The following DOCK7 variants were observed in gnomAD, a reference collection of about 807,000 sequenced individuals.
The protein encoded by DOCK7 is dedicator of cytokinesis 7.
A neutral mutation model predicts 271.0 loss-of-function variants in DOCK7; 138 were observed. The ratio of observed to expected loss-of-function variants is 0.51; its 90% confidence interval spans 0.44 to 0.59. DOCK7 has a LOEUF of 0.59. Among genes scored for constraint, DOCK7 ranks in the 20% least tolerant of loss-of-function variants. The pLI, the probability that DOCK7 is intolerant of heterozygous loss-of-function variation, is 0.00. For missense variants in DOCK7, 2,066 were observed against 2,592.4 expected (o/e 0.80, Z 4.41); for synonymous variants, 823 against 876.1 (o/e 0.94, Z 1.07).
At chr1:62,662,827 T>C (rs1658825996) in intron 2 of DOCK7, among the ~76,000 whole-genome samples, 198 bp downstream of exon 2, 1 of 152,092 alleles carries the variant, frequency 6.6e-6, no homozygotes, top group African/African-American at 2.4e-5. Flanking sequence ...ACTATAAAGT[T>C]TCAGAGTTGG....
chr1:62,471,567 T>C (rs1415725751), intron 48 of DOCK7, among the ~76,000 whole-genome samples: 4 of 152,142 alleles, frequency 2.6e-5, no homozygotes, highest in East Asian at 1.9e-4. Flanking sequence ...GACAGGAGGA[T>C]CCCTTGAACC....
intron 14 of DOCK7, among the ~76,000 whole-genome samples, chr1:62,611,775 A>AG (rs1243433531): frequency 3.3e-5 from 5 of 152,114 alleles, no homozygotes; most frequent in Admixed American, 3.3e-4. Flanking sequence ...CAACTACTCA[A>AG]GAAAAAAAAA....
intron 37 of DOCK7, among the ~76,000 whole-genome samples, chr1:62,499,809 T>C (rs962789868): frequency 2.0e-5 from 3 of 151,050 alleles, no homozygotes; most frequent in African/African-American, 7.3e-5. Context: ...AGCCCAGGAG[T>C]TTTGAGGCTG....
intron 13 of DOCK7, among the ~76,000 whole-genome samples, chr1:62,619,519 A>G (rs1310378065): frequency 6.6e-6 from 1 of 152,218 alleles, no homozygotes; most frequent in Non-Finnish European, 1.5e-5. Flanking sequence ...GAGATTAATA[A>G]CCCTAACTCA....
At chr1:62,625,523 A>AC in intron 11 of DOCK7, 122 bp from the exon 12 acceptor site, 1 of 969,220 alleles carries the variant, frequency 1.0e-6, no homozygotes, top group Non-Finnish European at 1.5e-6. Context: ...TATCAAGTAT[A>AC]GTAGGAGAAT....
Position 62,566,645 on chromosome 1 carries a change from T to G in DOCK7, c.2113-4942A>C, listed in dbSNP as rs145687251. Among the ~76,000 whole-genome samples, 832 of 152,160 alleles carry G rather than the reference T, an allele frequency of 5.5e-3. 8 individuals carry two copies. The highest frequency in any genetic ancestry group is 0.019 in the African/African-American group (794 of 41,486). On this transcript the variant is annotated intron_variant, in intron 18 of 49. Transcript: ENST00000635253. ...CAGGACATAGGCATGAGCAAACACT[T>G]CATGTCTAAAACACCAAAAGCAATG... is the stretch of plus-strand genomic sequence containing the variant.
intron 29 of DOCK7, among the ~76,000 whole-genome samples, chr1:62,535,164 ATTTAC>A (rs1354915942): frequency 2.0e-5 from 3 of 152,172 alleles, no homozygotes; most frequent in Non-Finnish European, 4.4e-5. Flanking sequence ...AATGACAAGC[ATTTAC>A]TTTACATCAA....
intron 14 of DOCK7, among the ~76,000 whole-genome samples, chr1:62,614,122 G>C (rs889737239): frequency 6.6e-6 from 1 of 151,936 alleles, no homozygotes; most frequent in Non-Finnish European, 1.5e-5. Context: ...ACATTCCTGA[G>C]AAGGCAAAAA....
intron 21 of DOCK7, among the ~76,000 whole-genome samples, chr1:62,554,239 A>G (rs1180466489): frequency 1.3e-5 from 2 of 151,884 alleles, no homozygotes; most frequent in African/African-American, 4.8e-5. Flanking sequence ...TTGGGAGGCC[A>G]AGGCAGGCGG....
chr1:62,679,984 T>C (rs1660933024), intron 1 of DOCK7, among the ~76,000 whole-genome samples: 2 of 152,204 alleles, frequency 1.3e-5, no homozygotes, highest in South Asian at 2.1e-4. Context: ...ATAGATTCAA[T>C]GCCATCCCCA....
intron 45 of DOCK7, 55 bp from the exon 46 acceptor site, chr1:62,475,998 T>G: frequency 6.2e-7 from 1 of 1,602,794 alleles, no homozygotes; most frequent in Non-Finnish European, 8.5e-7. Context: ...ATTTAGTCTT[T>G]CTCAAACAAA....
At chr1:62,540,567 T>C (rs1209920354) in intron 25 of DOCK7, among the ~76,000 whole-genome samples, 1 of 152,198 alleles carries the variant, frequency 6.6e-6, no homozygotes, top group East Asian at 1.9e-4. Context: ...AAACCCTGTC[T>C]TCACTATAGT....
At position 62,475,189 on chromosome 1, in the gene DOCK7, G is replaced by A; in HGVS notation, c.6105+19C>T. On this transcript the variant is annotated intron_variant, in intron 47 of 49. Coordinates refer to ENST00000635253, the MANE Select transcript of DOCK7 (RefSeq NM_001367561.1). ...GTATTTACAGCTTAAATCACACAGT[G>A]CTAGCAAAAAGCACTAACCTGATTC... 6.2e-7 allele frequency: 1 copy of A among 1,608,360 alleles called. No homozygotes were observed. Among genetic ancestry groups the A allele is most frequent in the Non-Finnish European group, 8.5e-7 (1 of 1,177,698 alleles).
chr1:62,671,930 G>A, intron 1 of DOCK7, among the ~76,000 whole-genome samples: 1 of 146,362 alleles, frequency 6.8e-6, no homozygotes. Context: ...AAGTTACTAT[G>A]AGAAGCAGAG....
chr1:62,475,060 T>C (rs1463226460), intron 47 of DOCK7, 148 bp downstream of exon 47: 11 of 878,170 alleles, frequency 1.3e-5, no homozygotes, highest in African/African-American at 3.5e-5. Context: ...TCCTTCTTAA[T>C]AGAATTTATA....
At chr1:62,536,760 T>C (rs1054540847) in intron 28 of DOCK7, among the ~76,000 whole-genome samples, 13 of 152,226 alleles carry the variant, frequency 8.5e-5, no homozygotes, top group African/African-American at 3.1e-4. Flanking sequence ...TAAGATTAAC[T>C]AACTTTCACT....
chr1:62,633,807 A>G (rs1380819020), intron 9 of DOCK7: 4 of 441,336 alleles, frequency 9.1e-6, no homozygotes, highest in African/African-American at 6.1e-5. Context: ...CATATATGAA[A>G]AGCCCACAGT....
intron 14 of DOCK7, chr1:62,601,803 A>G: frequency 6.2e-7 from 1 of 1,609,866 alleles, no homozygotes; most frequent in Non-Finnish European, 8.5e-7. Context: ...TTTATAACAG[A>G]GGTGAACATA....
At chr1:62,679,027 C>A (rs890411809) in intron 1 of DOCK7, among the ~76,000 whole-genome samples, 1 of 151,942 alleles carries the variant, frequency 6.6e-6, no homozygotes, top group African/African-American at 2.4e-5. Context: ...TACTATGTAC[C>A]CACAAATATT....
Sources: gnomAD v4.1 joint callset for allele counts (sites outside exome capture counted in the v4.1 genomes callset) on GRCh38, gnomAD v4.1.1 for gene constraint, MANE v1.5 for transcripts, NCBI Gene and HGNC (gene_info 2026-07-23, HGNC 2026-07-21) for gene names.